ODAD2: variants seen among roughly 807,000 people sequenced by gnomAD.
ODAD2 encodes outer dynein arm-docking complex subunit 2.
In ODAD2, 89 loss-of-function variants were observed where a neutral mutation model predicts 106.8. That is an observed-to-expected ratio of 0.83 (90% CI 0.70 to 0.99). The LOEUF is 0.99. ODAD2 is among the 50% of genes least tolerant of loss of function. The probability of loss-of-function intolerance (pLI) is 0.00; values close to 1 mark genes in which losing one functional copy is unlikely to be tolerated. For synonymous variants in ODAD2, 404 were observed against 436.2 expected, an observed-to-expected ratio of 0.93 and a Z score of 0.92; for missense variants, 1,168 against 1,238.5, an observed-to-expected ratio of 0.94 and a Z score of 0.85.
intron 17 of ODAD2, among the ~76,000 whole-genome samples, chr10:27,906,695 G>T (rs1311788653): frequency 6.6e-6 from 1 of 152,192 alleles, no homozygotes; most frequent in Non-Finnish European, 1.5e-5. Context: ...AAAAACGAAT[G>T]AGTTCATGTC....
intron 19 of ODAD2, among the ~76,000 whole-genome samples, chr10:27,859,804 C>T (rs926004503): frequency 1.3e-5 from 2 of 152,234 alleles, no homozygotes; most frequent in South Asian, 2.1e-4. Context: ...AGTCTCTTTA[C>T]AGAAACTTTC....
Position 27,935,118 on chromosome 10 carries a change from C to T in ODAD2, c.2387G>A (p.Cys796Tyr). The T allele has an allele frequency of 6.2e-7, 1 of 1,613,984 alleles. No homozygotes were observed. The highest frequency in any genetic ancestry group is 8.5e-7 in the Non-Finnish European group (1 of 1,179,902). ...ERENRVIVRK[C>Y]GGIQPLVNLL... ...GTTCACAAGTGGTTGAATGCCACCA[C>T]ATTTCCGGACAATGACTCGGTTTTC... The change falls in exon 16 of 20, where the codon TGT (cysteine) becomes TAT (tyrosine). Residue 796 changes from cysteine to tyrosine, a missense_variant. This residue lies in a region of ODAD2 where 701 missense variants were observed against 712.3 expected (regional missense o/e 0.98). Coordinates refer to ENST00000305242, the MANE Select transcript of ODAD2 (RefSeq NM_018076.5).
rs1849782760 is a variant in ODAD2 at position 27,984,974 on chromosome 10, A to G, written c.575+45T>C. On this transcript the variant is annotated intron_variant, in intron 4 of 19. Coordinates refer to ENST00000305242, the MANE Select transcript of ODAD2 (RefSeq NM_018076.5). ...ACCCAGGCTGGAGTTCAGTGGTGCA[A>G]TCTTGGCTCAATACAATAGAGGTTC... 3 of 1,467,448 alleles carry G rather than the reference A, an allele frequency of 2.0e-6. No individual in the cohort carries two copies. In the African/African-American group the frequency reaches 4.2e-5, roughly 21 times the overall value. The allele number at this position is 1,467,448 out of a possible 1,614,324, so 90.9% of individuals were successfully genotyped here.
At chr10:27,913,197 C>T (rs1298436762) in intron 16 of ODAD2, among the ~76,000 whole-genome samples, 6 of 151,812 alleles carry the variant, frequency 4.0e-5, no homozygotes, top group African/African-American at 4.8e-5. Context: ...TTACGTGTCG[C>T]GGGGGTTTGG....
At chr10:27,965,895 C>T (rs1004940302) in intron 9 of ODAD2, among the ~76,000 whole-genome samples, 16 of 152,334 alleles carry the variant, frequency 1.1e-4, no homozygotes, top group Admixed American at 5.2e-4. Context: ...ACATTAAACT[C>T]ACGGGCAAGG....
chr10:27,889,147 G>C lies in ODAD2; in HGVS notation c.2610+18516C>G, dbSNP rs1842408526. Among the ~76,000 whole-genome samples, 2 of 152,170 alleles carry C rather than the reference G, an allele frequency of 1.3e-5. 1 individual carries two copies. Among genetic ancestry groups the C allele is most frequent in the South Asian group, 4.1e-4 (2 of 4,828 alleles). ...ATACAAAGGGGCTTCCACATGAAAG[G>C]AGATAGAAAAACATTACTACTAAAG... is the stretch of plus-strand genomic sequence containing the variant. On this transcript the variant is annotated intron_variant, in intron 17 of 19. Coordinates refer to ENST00000305242, the MANE Select transcript of ODAD2 (RefSeq NM_018076.5).
intron 7 of ODAD2, among the ~76,000 whole-genome samples, chr10:27,977,438 G>T (rs1017521270): frequency 1.3e-5 from 2 of 151,782 alleles, no homozygotes; most frequent in Non-Finnish European, 2.9e-5. Context: ...GCGGTGGCGG[G>T]CGCCTGTAGT....
intron 19 of ODAD2, among the ~76,000 whole-genome samples, chr10:27,840,489 T>G (rs902053123): frequency 1.3e-5 from 2 of 152,172 alleles, no homozygotes; most frequent in African/African-American, 2.4e-5. Context: ...TCTTGTAAAG[T>G]ATCACATGCT....
chr10:27,934,992 A>C lies in ODAD2; in HGVS notation c.2495+18T>G. 1.2e-6 allele frequency: 2 copies of C among 1,613,266 alleles called. No individual in the cohort carries two copies. The highest frequency in any genetic ancestry group is 1.7e-5 in the Admixed American group (1 of 59,972). ...CCTAACACTTATATAAAATCTTTCC[A>C]TCTCCAGGGCCACTTACATCATACT... On this transcript the variant is annotated intron_variant, in intron 16 of 19. Transcript: ENST00000305242.
At chr10:27,889,307 G>A (rs1842419105) in intron 17 of ODAD2, among the ~76,000 whole-genome samples, 1 of 152,150 alleles carries the variant, frequency 6.6e-6, no homozygotes, top group African/African-American at 2.4e-5. Context: ...GGGGCTTGTT[G>A]GGTAGAAAAG....
rs1268395550 is a variant in ODAD2 at position 27,970,999 on chromosome 10, TAAATAAATAAACAAAC to T, written c.1142+93_1142+108del. ...ATAAATAAATAAATAAATAAATAAATAAATAAATAAACAAACAAACAAAATAAAATAAAATAAAGTT... is the reference window on the plus strand; with the variant it reads ...ATAAATAAATAAATAAATAAATAAATAAACAAAATAAAATAAAATAAAGTT... On this transcript the variant is annotated intron_variant, in intron 8 of 19. Coordinates refer to ENST00000305242, the MANE Select transcript of ODAD2 (RefSeq NM_018076.5). 2.4e-3 allele frequency: 969 copies of T among 405,708 alleles called. 14 individuals are homozygous for T. In the African/African-American group the frequency reaches 0.024, roughly 10 times the overall value. The allele number at this position is 405,708 out of a possible 1,614,324, so 25.1% of individuals were successfully genotyped here. A position where few individuals can be genotyped will look rare whatever the true frequency, so the allele number is the denominator to read the frequency against.
At chr10:27,874,324 G>A (rs1841150797) in intron 17 of ODAD2, among the ~76,000 whole-genome samples, 1 of 152,180 alleles carries the variant, frequency 6.6e-6, no homozygotes, top group Non-Finnish European at 1.5e-5. Context: ...GCCAGTCTGT[G>A]TCTTTTAATT....
intron 19 of ODAD2, among the ~76,000 whole-genome samples, chr10:27,826,297 CTCAACCAGGCT>C (rs984670155): frequency 5.9e-5 from 9 of 152,184 alleles, no homozygotes; most frequent in Non-Finnish European, 1.0e-4. Context: ...AATCCTGGCT[CTCAACCAGGCT>C]TCCGGATCAT....
chr10:27,869,522 T>A (rs1227525303), intron 17 of ODAD2, among the ~76,000 whole-genome samples: 1 of 134,302 alleles, frequency 7.4e-6, no homozygotes, highest in African/African-American at 2.7e-5. Context: ...AAGTCACTTT[T>A]TTTTCTTTTT....
intron 17 of ODAD2, among the ~76,000 whole-genome samples, chr10:27,902,296 T>C (rs77624365): frequency 6.6e-6 from 1 of 152,004 alleles, no homozygotes; most frequent in South Asian, 2.1e-4. Flanking sequence ...CTATGGGAAA[T>C]AGCTAAAGCA....
intron 16 of ODAD2, among the ~76,000 whole-genome samples, chr10:27,918,793 T>C (rs1844570312): frequency 2.6e-5 from 4 of 151,608 alleles, no homozygotes; most frequent in Non-Finnish European, 5.9e-5. Flanking sequence ...GAAAACCCTA[T>C]GGTATCTACA....
intron 19 of ODAD2, among the ~76,000 whole-genome samples, chr10:27,844,758 C>T (rs915175): frequency 0.69 from 105,657 of 152,140 alleles, 36,776 homozygotes; most frequent in Middle Eastern, 0.75. Flanking sequence ...GATATGACTT[C>T]CATTATTATC....
intron 17 of ODAD2, among the ~76,000 whole-genome samples, chr10:27,885,680 TAATATATAATA>T (rs1564466014): frequency 0.013 from 180 of 13,846 alleles, 4 homozygotes; most frequent in African/African-American, 0.023. Context: ...AAAATATATA[TAATATATAATA>T]TATAATATAT....
At chr10:27,898,657 T>G (rs1333373563) in intron 17 of ODAD2, among the ~76,000 whole-genome samples, 1 of 152,194 alleles carries the variant, frequency 6.6e-6, no homozygotes, top group Non-Finnish European at 1.5e-5. Flanking sequence ...ATTTGGCACT[T>G]TAAAAAATAT....
Sources: gnomAD v4.1 joint callset for allele counts (sites outside exome capture counted in the v4.1 genomes callset) on GRCh38, gnomAD v4.1.1 for gene constraint, gnomAD v4.1.1 regional missense constraint, MANE v1.5 for transcripts, NCBI Gene and HGNC (gene_info 2026-07-23, HGNC 2026-07-21) for gene names.